The following RBMS3 variants were observed in gnomAD, a reference collection of about 807,000 sequenced individuals.
RBMS3 encodes RNA binding motif single stranded interacting protein 3.
A neutral mutation model predicts 66.8 loss-of-function variants in RBMS3; 27 were observed. That is an observed-to-expected ratio of 0.40 (90% CI 0.30 to 0.56). The LOEUF (loss-of-function observed/expected upper bound fraction) is 0.56, where lower values mean the gene tolerates loss of function less well. Ranked by LOEUF, RBMS3 falls within the 20% of genes least tolerant of loss-of-function variation. The pLI is 0.40. For missense variants in RBMS3, 513 were observed against 549.5 expected (o/e 0.93, Z 0.66); for synonymous variants, 188 against 183.0 (o/e 1.03, Z -0.22).
At chr3:29,781,276 G>A (rs1170558287) in intron 6 of RBMS3, among the ~76,000 whole-genome samples, 1 of 137,188 alleles carries the variant, frequency 7.3e-6, no homozygotes, top group Non-Finnish European at 1.5e-5. Context: ...TTTCCAGAAT[G>A]TTTATGTAAA....
chr3:29,883,887 A>C (rs1475362926), intron 7 of RBMS3, among the ~76,000 whole-genome samples: 1 of 152,158 alleles, frequency 6.6e-6, no homozygotes, highest in South Asian at 2.1e-4. Context: ...GAGGTTAGAC[A>C]GTGGATGTTT....
chr3:29,464,741 A>T (rs1287750357), intron 2 of RBMS3, among the ~76,000 whole-genome samples: 2 of 152,172 alleles, frequency 1.3e-5, no homozygotes, highest in East Asian at 3.8e-4. Context: ...ATCAAGCGCT[A>T]CTTTCTCTGG....
At chr3:29,960,011 T>A (rs917232493) in intron 12 of RBMS3, among the ~76,000 whole-genome samples, 1 of 152,054 alleles carries the variant, frequency 6.6e-6, no homozygotes, top group Non-Finnish European at 1.5e-5. Context: ...CAAAACACAA[T>A]CATGCCTTTC....
chr3:29,311,007 GTT>G (rs2034340260), intron 1 of RBMS3, among the ~76,000 whole-genome samples: 2 of 151,774 alleles, frequency 1.3e-5, no homozygotes, highest in Non-Finnish European at 2.9e-5. Context: ...TATCTCTGAT[GTT>G]TTATATCAAT....
intron 2 of RBMS3, among the ~76,000 whole-genome samples, chr3:29,441,423 A>T (rs9809900): frequency 0.16 from 24,336 of 152,050 alleles, 2,146 homozygotes; most frequent in East Asian, 0.37. Flanking sequence ...CTCATACTCT[A>T]CTAAGTTTTT....
At chr3:29,411,433 CT>C (rs1480314012) in intron 1 of RBMS3, among the ~76,000 whole-genome samples, 2 of 152,154 alleles carry the variant, frequency 1.3e-5, no homozygotes, top group African/African-American at 2.4e-5. Flanking sequence ...AGAAATGATG[CT>C]TTTGATCATT....
At chr3:29,907,221 C>T (rs1027856148) in intron 10 of RBMS3, among the ~76,000 whole-genome samples, 1 of 152,068 alleles carries the variant, frequency 6.6e-6, no homozygotes, top group Admixed American at 6.6e-5. Flanking sequence ...ATATATGAAA[C>T]AATTTTTGTA....
chr3:29,702,321 A>C (rs1479918049), intron 4 of RBMS3, among the ~76,000 whole-genome samples: 2 of 152,184 alleles, frequency 1.3e-5, no homozygotes, highest in African/African-American at 2.4e-5. Context: ...TGTCTAGCTC[A>C]GGGATTGTAA....
chr3:29,337,268 T>C (rs1256325222), intron 1 of RBMS3, among the ~76,000 whole-genome samples: 2 of 152,080 alleles, frequency 1.3e-5, no homozygotes, highest in Non-Finnish European at 2.9e-5. Context: ...TTATCCCTAT[T>C]GATCAAAATT....
intron 4 of RBMS3, among the ~76,000 whole-genome samples, chr3:29,597,023 C>G (rs2047967995): frequency 1.3e-5 from 2 of 152,036 alleles, no homozygotes; most frequent in African/African-American, 4.8e-5. Context: ...TAACTATTGA[C>G]TGGTGGAATG....
At chr3:29,666,080 G>A (rs756015321) in intron 4 of RBMS3, among the ~76,000 whole-genome samples, 3 of 152,058 alleles carry the variant, frequency 2.0e-5, no homozygotes, top group East Asian at 1.9e-4. Flanking sequence ...ATAAGAGCCC[G>A]TGTGTACTGG....
intron 4 of RBMS3, among the ~76,000 whole-genome samples, chr3:29,684,632 A>AT (rs2051635741): frequency 6.6e-6 from 1 of 152,180 alleles, no homozygotes; most frequent in Non-Finnish European, 1.5e-5. Flanking sequence ...AATTTTCCTT[A>AT]TAAGTCCTTG....
chr3:29,904,244 A>C (rs964935811), intron 10 of RBMS3, among the ~76,000 whole-genome samples: 5 of 152,042 alleles, frequency 3.3e-5, no homozygotes, highest in African/African-American at 1.2e-4. Context: ...ATAGAGTATA[A>C]AAGATTTTCC....
chr3:29,657,738 C>G (rs1048099308), intron 4 of RBMS3, among the ~76,000 whole-genome samples: 3 of 152,100 alleles, frequency 2.0e-5, no homozygotes, highest in Non-Finnish European at 2.9e-5. Flanking sequence ...CTAATCAACA[C>G]ACACAAAGCA....
chr3:29,541,679 C>T (rs2045766387), intron 3 of RBMS3, among the ~76,000 whole-genome samples: 2 of 152,192 alleles, frequency 1.3e-5, no homozygotes, highest in African/African-American at 4.8e-5. Context: ...AAATGTCATT[C>T]CTGTCCTCAA....
At chr3:29,982,074 G>T (rs1698033799) in intron 12 of RBMS3, among the ~76,000 whole-genome samples, 1 of 152,096 alleles carries the variant, frequency 6.6e-6, no homozygotes, top group Non-Finnish European at 1.5e-5. Context: ...TTGTTGGTAG[G>T]CTATCAATTA....
rs573223211 is a variant in RBMS3 at position 29,361,323 on chromosome 3, A to T, written c.76-73420A>T. ...CACTTATGAAGCTTAGTTTGGCTGG[A>T]TATGAAATTCTGGGTTGAAAATTCT... On this transcript the variant is annotated intron_variant, in intron 1 of 14. Transcript: ENST00000383767. Among the ~76,000 whole-genome samples the T allele has an allele frequency of 9.9e-5, 15 of 151,378 alleles. No individual in the cohort carries two copies. In the East Asian group the frequency reaches 2.1e-3, roughly 21 times the overall value.
At chr3:29,319,346 A>G (rs2034874408) in intron 1 of RBMS3, among the ~76,000 whole-genome samples, 1 of 151,964 alleles carries the variant, frequency 6.6e-6, no homozygotes, top group Non-Finnish European at 1.5e-5. Flanking sequence ...TTCACATACC[A>G]ACTGCTAAGA....
rs1431728698 is a variant in RBMS3, at chr3:29,360,165, C to CTTTTAGAG, written c.76-74575_76-74574insTAGAGTTT. On this transcript the variant is annotated intron_variant, in intron 1 of 14. Coordinates refer to ENST00000383767, the MANE Select transcript of RBMS3 (RefSeq NM_001003793.3). ...GGGTGTCAATTTTAGATCTTTTCTG[C>CTTTTAGAG]TTTCTCTTGTGGGCATTTAGTGCTA... Among the ~76,000 whole-genome samples, 108 of 152,048 alleles carry CTTTTAGAG rather than the reference C, an allele frequency of 7.1e-4. 1 individual carries two copies. Among genetic ancestry groups the CTTTTAGAG allele is most frequent in the African/African-American group, 2.4e-3 (101 of 41,408 alleles).
Sources: allele counts gnomAD v4.1 joint callset (sites outside exome capture counted in the v4.1 genomes callset), GRCh38; gene constraint gnomAD v4.1.1; transcripts MANE v1.5; gene names NCBI Gene and HGNC (gene_info 2026-07-23, HGNC 2026-07-21).